NRXN3: variants seen among roughly 807,000 people sequenced by gnomAD.
NRXN3 encodes the protein neurexin III.
In NRXN3, 32 loss-of-function variants were observed where a neutral mutation model predicts 137.6. The ratio of observed to expected loss-of-function variants is 0.23; its 90% CI spans 0.18 to 0.31. The LOEUF (loss-of-function observed/expected upper bound fraction) is 0.31, where lower values mean the gene tolerates loss of function less well. NRXN3 is among the 10% of genes least tolerant of loss of function. NRXN3 has a pLI of 1.00. For missense variants in NRXN3, 1,574 were observed against 2,062.5 expected (o/e 0.76, Z 4.59); for synonymous variants, 798 against 784.5 (o/e 1.02, Z -0.29).
intron 4 of NRXN3, among the ~76,000 whole-genome samples, chr14:78,489,863 G>A (rs1168475637): frequency 1.3e-5 from 2 of 151,746 alleles, no homozygotes; most frequent in African/African-American, 4.8e-5. Flanking sequence ...GGATAAAGAA[G>A]CAGTTTCTAA....
At chr14:79,658,422 C>T (rs1359492115) in intron 16 of NRXN3, among the ~76,000 whole-genome samples, 4 of 152,118 alleles carry the variant, frequency 2.6e-5, no homozygotes, top group African/African-American at 9.7e-5. Context: ...CTCAATGACC[C>T]GGAATGACAA....
chr14:79,053,557 G>C (rs1473049859), intron 15 of NRXN3, among the ~76,000 whole-genome samples: 1 of 152,150 alleles, frequency 6.6e-6, no homozygotes, highest in Non-Finnish European at 1.5e-5. Flanking sequence ...AAGTTTTTCA[G>C]ATAAAGAGAG....
intron 4 of NRXN3, among the ~76,000 whole-genome samples, chr14:78,336,614 A>G (rs1192274083): frequency 6.6e-6 from 1 of 152,096 alleles, no homozygotes; most frequent in Non-Finnish European, 1.5e-5. Context: ...TTAAGTGGAC[A>G]TCCTCTGCTC....
intron 17 of NRXN3, among the ~76,000 whole-genome samples, chr14:79,678,139 A>G (rs1165082056): frequency 6.7e-6 from 1 of 150,300 alleles, no homozygotes; most frequent in East Asian, 1.9e-4. Flanking sequence ...CATTCTTCCA[A>G]CCTCCCCCTA....
At chr14:78,493,948 A>G (rs1567749991) in intron 4 of NRXN3, among the ~76,000 whole-genome samples, 2 of 152,190 alleles carry the variant, frequency 1.3e-5, no homozygotes, top group Non-Finnish European at 2.9e-5. Flanking sequence ...AGCTTGGGAA[A>G]CTGTCCTTTC....
chr14:79,770,329 C>T (rs2099073034), intron 19 of NRXN3, among the ~76,000 whole-genome samples: 1 of 151,812 alleles, frequency 6.6e-6, no homozygotes, highest in Non-Finnish European at 1.5e-5. Context: ...ACATTTTTTT[C>T]AGCACCACAC....
chr14:78,805,114 ATCT>A (rs2098854646), intron 9 of NRXN3, among the ~76,000 whole-genome samples: 1 of 151,658 alleles, frequency 6.6e-6, no homozygotes, highest in South Asian at 2.1e-4. Context: ...TAAACCTAAA[ATCT>A]CTGGGACACA....
chr14:79,030,803 A>C (rs1568046898), intron 15 of NRXN3, among the ~76,000 whole-genome samples: 1 of 150,840 alleles, frequency 6.6e-6, no homozygotes, highest in Non-Finnish European at 1.5e-5. Flanking sequence ...TCTCAATTTC[A>C]TTTTATGGTT....
chr14:78,790,573 C>G (rs1484578481), intron 8 of NRXN3, among the ~76,000 whole-genome samples: 2 of 152,182 alleles, frequency 1.3e-5, no homozygotes, highest in East Asian at 3.8e-4. Context: ...AGTTTAAGAT[C>G]AGCCCAGTTT....
chr14:78,475,953 G>C (rs1441155120), intron 4 of NRXN3, among the ~76,000 whole-genome samples: 1 of 152,170 alleles, frequency 6.6e-6, no homozygotes, highest in Admixed American at 6.5e-5. Context: ...AAAAGATATA[G>C]ATAATGGATA....
intron 4 of NRXN3, among the ~76,000 whole-genome samples, chr14:78,530,133 A>G (rs986178873): frequency 8.5e-5 from 13 of 152,218 alleles, no homozygotes; most frequent in African/African-American, 4.8e-5. Context: ...GAAAGAAAGA[A>G]AGAAAAAGCT....
intron 1 of NRXN3, among the ~76,000 whole-genome samples, chr14:78,201,218 G>T (rs1349528711): frequency 6.6e-6 from 1 of 152,188 alleles, no homozygotes; most frequent in African/African-American, 2.4e-5. Context: ...TAGGACAGGT[G>T]CCTCATTAAT....
intron 17 of NRXN3, among the ~76,000 whole-genome samples, chr14:79,689,239 T>C (rs2154023346): frequency 6.6e-6 from 1 of 152,248 alleles, no homozygotes; most frequent in Admixed American, 6.5e-5. Context: ...TCATTAAAGA[T>C]TTAGCAAGAA....
At chr14:78,637,351 C>T (rs2097575927) in intron 4 of NRXN3, among the ~76,000 whole-genome samples, 2 of 152,186 alleles carry the variant, frequency 1.3e-5, no homozygotes, top group East Asian at 1.9e-4. Flanking sequence ...TAAGTATGAC[C>T]TCCTGTATGG....
intron 4 of NRXN3, among the ~76,000 whole-genome samples, chr14:78,384,931 G>T (rs1242113805): frequency 1.3e-5 from 2 of 152,104 alleles, no homozygotes; most frequent in African/African-American, 4.8e-5. Context: ...AGCTAATTAA[G>T]AAATTTGATT....
At chr14:78,299,837 A>G (rs2076709787) in intron 4 of NRXN3, among the ~76,000 whole-genome samples, 1 of 152,244 alleles carries the variant, frequency 6.6e-6, no homozygotes, top group South Asian at 2.1e-4. Context: ...AATGACAGAC[A>G]TGGATGTTGT....
intron 4 of NRXN3, among the ~76,000 whole-genome samples, chr14:78,402,698 C>G (rs191144473): frequency 1.3e-5 from 2 of 152,322 alleles, no homozygotes; most frequent in Admixed American, 1.3e-4. Flanking sequence ...GAAATCCCCT[C>G]TTAACCATGT....
chr14:78,469,421 A>G (rs954889383), intron 4 of NRXN3, among the ~76,000 whole-genome samples: 4 of 152,198 alleles, frequency 2.6e-5, no homozygotes, highest in African/African-American at 9.7e-5. Context: ...GTTGAGAACC[A>G]CTGACCTAGA....
chr14:79,595,363 G>C (rs978637048), intron 16 of NRXN3, among the ~76,000 whole-genome samples: 5 of 152,006 alleles, frequency 3.3e-5, no homozygotes, highest in Non-Finnish European at 7.4e-5. Flanking sequence ...TTTCATAGTT[G>C]CTTACTATGA....
Sources: gnomAD v4.1 joint callset for allele counts (sites outside exome capture counted in the v4.1 genomes callset) on GRCh38, gnomAD v4.1.1 for gene constraint, MANE v1.5 for transcripts, NCBI Gene and HGNC (gene_info 2026-07-23, HGNC 2026-07-21) for gene names.